ROR1: variants seen among roughly 807,000 people sequenced by gnomAD.
ROR1 encodes the protein inactive tyrosine-protein kinase transmembrane receptor ROR1.
A neutral mutation model predicts 78.8 loss-of-function variants in ROR1; 19 were observed. The ratio of observed to expected loss-of-function variants is 0.24; its 90% CI spans 0.17 to 0.35. The LOEUF (loss-of-function observed/expected upper bound fraction) is 0.35, where lower values mean the gene tolerates loss of function less well. ROR1 is among the 10% of genes least tolerant of loss of function. The pLI is 1.00. For synonymous variants in ROR1, 386 were observed against 433.6 expected (o/e 0.89, Z 1.36); for missense variants, 917 against 1,177.8 (o/e 0.78, Z 3.24).
chr1:63,987,459 C>A (rs969463273), intron 1 of ROR1, among the ~76,000 whole-genome samples: 1 of 152,178 alleles, frequency 6.6e-6, no homozygotes, highest in Non-Finnish European at 1.5e-5. Flanking sequence ...CTTCACTGTA[C>A]TGTTAGCTCC....
At chr1:64,087,861 G>C (rs998267069) in intron 4 of ROR1, among the ~76,000 whole-genome samples, 26 of 152,244 alleles carry the variant, frequency 1.7e-4, no homozygotes, top group African/African-American at 6.0e-4. Context: ...TAACAAATGA[G>C]TTACATGTAT....
intron 1 of ROR1, among the ~76,000 whole-genome samples, chr1:63,985,373 T>C (rs1015549209): frequency 1.3e-5 from 2 of 152,192 alleles, no homozygotes; most frequent in East Asian, 3.9e-4. Context: ...TTTGTTTACC[T>C]ATCCTGCCAA....
rs549518989 is a variant in ROR1 at position 63,942,403 on chromosome 1, C to T, written c.92-66902C>T. On this transcript the variant is annotated intron_variant, in intron 1 of 8. Transcript: ENST00000371079. ...TACTACTTTTAACCAGGTGTTTCTC[C>T]TCTTTAGTGTCTATTATGATTTTTA... 6.6e-5 allele frequency among the ~76,000 whole-genome samples: 10 copies of T among 152,118 alleles called. No homozygotes were observed. In the South Asian group the frequency reaches 1.9e-3, roughly 29 times the overall value.
At chr1:64,109,324 T>A (rs1362109647) in intron 4 of ROR1, among the ~76,000 whole-genome samples, 2 of 152,150 alleles carry the variant, frequency 1.3e-5, no homozygotes, top group Non-Finnish European at 2.9e-5. Flanking sequence ...ATCTTCACAG[T>A]CTTATGAGGC....
At chr1:64,008,823 CG>C (rs1646451490) in intron 1 of ROR1, among the ~76,000 whole-genome samples, 1 of 151,926 alleles carries the variant, frequency 6.6e-6, no homozygotes, top group African/African-American at 2.4e-5. Flanking sequence ...TTAGTAGAGA[CG>C]GGGTTTCATC....
Position 63,785,251 on chromosome 1 carries a change from A to AC in ROR1, c.91+10748dup, listed in dbSNP as rs200328546. ...TTCAAAGTTTTTACATAATTTTCACACCCCCTGGAGAGTATTGGCTGTTTT... is the reference window on the plus strand; with the variant it reads ...TTCAAAGTTTTTACATAATTTTCACACCCCCCTGGAGAGTATTGGCTGTTTT... On this transcript the variant is annotated intron_variant, in intron 1 of 8. Coordinates refer to ENST00000371079, the MANE Select transcript of ROR1 (RefSeq NM_005012.4). Among the ~76,000 whole-genome samples the AC allele has an allele frequency of 5.6e-3, 858 of 152,174 alleles. 7 individuals carry two copies. The highest frequency in any genetic ancestry group is 0.02 in the African/African-American group (819 of 41,510).
intron 1 of ROR1, among the ~76,000 whole-genome samples, chr1:63,884,634 T>C (rs981443562): frequency 1.3e-5 from 2 of 152,230 alleles, no homozygotes; most frequent in African/African-American, 4.8e-5. Context: ...TATATTTATT[T>C]ATTCAGAAAT....
chr1:64,119,638 CAA>C (rs11338825), intron 4 of ROR1, among the ~76,000 whole-genome samples: 12,570 of 75,034 alleles, frequency 0.17, 391 homozygotes, highest in African/African-American at 0.21. Context: ...GGCTCCGTCT[CAA>C]AAAAAAAAAA....
At chr1:64,096,550 C>A (rs1049597785) in intron 4 of ROR1, among the ~76,000 whole-genome samples, 1 of 152,126 alleles carries the variant, frequency 6.6e-6, no homozygotes, top group Non-Finnish European at 1.5e-5. Context: ...CCGTCCATGG[C>A]CCTGCAAAGA....
Position 64,033,796 on chromosome 1 carries a change from A to G in ROR1, c.164-15895A>G, listed in dbSNP as rs377747510. ...TTATTGAGACTTGCATGTGCCAAAC[A>G]CTTTCCTAAGTGCTTTATACACTTT... On this transcript the variant is annotated intron_variant, in intron 2 of 8. Transcript: ENST00000371079. Among the ~76,000 whole-genome samples the G allele has an allele frequency of 1.6e-4, 24 of 152,334 alleles. 1 individual carries two copies. Among genetic ancestry groups the G allele is most frequent in the African/African-American group, 4.6e-4 (19 of 41,568 alleles).
chr1:64,142,775 C>A, intron 7 of ROR1, 125 bp downstream of exon 7: 1 of 1,477,102 alleles, frequency 6.8e-7, no homozygotes, highest in South Asian at 1.4e-5. Flanking sequence ...TGATCTCAAT[C>A]TGGTTTTAGG....
At chr1:63,857,016 T>C (rs952788515) in intron 1 of ROR1, among the ~76,000 whole-genome samples, 6 of 152,172 alleles carry the variant, frequency 3.9e-5, no homozygotes, top group Non-Finnish European at 8.8e-5. Flanking sequence ...GGACAGGGAA[T>C]GTCTTTAATC....
chr1:64,128,481 A>C (rs1648797120), intron 4 of ROR1, among the ~76,000 whole-genome samples: 1 of 151,988 alleles, frequency 6.6e-6, no homozygotes, highest in Non-Finnish European at 1.5e-5. Context: ...AAAATAAAGA[A>C]AAATGCATGG....
chr1:64,030,766 C>A lies in ROR1; in HGVS notation c.164-18925C>A, dbSNP rs543108689. Among the ~76,000 whole-genome samples, 3 of 152,298 alleles carry A rather than the reference C, an allele frequency of 2.0e-5. No homozygotes were observed. The East Asian group carries it at 5.8e-4, about 29-fold the overall frequency. ...AATAGACCTATAAAACCTAACTTCTCCCATCCCTTTGTGGGTAATATATAT... is the reference window on the plus strand; with the variant it reads ...AATAGACCTATAAAACCTAACTTCTACCATCCCTTTGTGGGTAATATATAT... On this transcript the variant is annotated intron_variant, in intron 2 of 8. Coordinates refer to ENST00000371079, the MANE Select transcript of ROR1 (RefSeq NM_005012.4).
At chr1:64,151,797 T>C (rs138883751) in intron 7 of ROR1, among the ~76,000 whole-genome samples, 2,174 of 151,450 alleles carry the variant, frequency 0.014, 60 homozygotes, top group African/African-American at 0.051. Context: ...GGCAGGAGAA[T>C]TGCTTGAACC....
At chr1:63,795,673 GACTGCT>G (rs1346817670) in intron 1 of ROR1, among the ~76,000 whole-genome samples, 1 of 152,190 alleles carries the variant, frequency 6.6e-6, no homozygotes, top group Non-Finnish European at 1.5e-5. Context: ...TGAACACTTA[GACTGCT>G]AAGTACTACT....
intron 1 of ROR1, among the ~76,000 whole-genome samples, chr1:63,950,273 G>A (rs1158680674): frequency 6.6e-6 from 1 of 152,194 alleles, no homozygotes; most frequent in Admixed American, 6.5e-5. Context: ...CCCCAGGGCT[G>A]CTGTTTGGCT....
chr1:64,014,898 T>G (rs535881361), intron 2 of ROR1, among the ~76,000 whole-genome samples: 1 of 149,792 alleles, frequency 6.7e-6, no homozygotes, highest in Admixed American at 6.7e-5. Flanking sequence ...CTGAGCTTCC[T>G]TTTGCTCACC....
chr1:63,826,426 T>C (rs900049990), intron 1 of ROR1, among the ~76,000 whole-genome samples: 1 of 152,198 alleles, frequency 6.6e-6, no homozygotes, highest in South Asian at 2.1e-4. Flanking sequence ...CATGATCTCA[T>C]TCTTTTTTAG....
Sources: gnomAD v4.1 joint callset for allele counts (sites outside exome capture counted in the v4.1 genomes callset) on GRCh38, gnomAD v4.1.1 for gene constraint, MANE v1.5 for transcripts, NCBI Gene and HGNC (gene_info 2026-07-23, HGNC 2026-07-21) for gene names.